B3GALT1: variants seen among roughly 807,000 people sequenced by gnomAD.
B3GALT1 encodes UDP-Gal:betaGlcNAc beta 1,3-galactosyltransferase, polypeptide 1.
In B3GALT1, 10 loss-of-function variants were observed where a neutral mutation model predicts 23.2. That is an observed-to-expected ratio of 0.43 (90% CI 0.27 to 0.73). B3GALT1 has a LOEUF of 0.73. B3GALT1 is among the 30% of genes least tolerant of loss of function. B3GALT1 has a pLI of 0.21. For synonymous variants in B3GALT1, 156 were observed against 141.5 expected, an observed-to-expected ratio of 1.10 and a Z score of -0.73; for missense variants, 299 against 405.4, an observed-to-expected ratio of 0.74 and a Z score of 2.25.
intron 3 of B3GALT1, among the ~76,000 whole-genome samples, chr2:167,680,094 T>C (rs1429820637): frequency 6.6e-6 from 1 of 152,232 alleles, no homozygotes; most frequent in Non-Finnish European, 1.5e-5. Context: ...TTCTAAATGC[T>C]AATTGCTTTC....
intron 1 of B3GALT1, among the ~76,000 whole-genome samples, chr2:167,412,600 T>C (rs563036806): frequency 6.6e-6 from 1 of 152,324 alleles, no homozygotes; most frequent in East Asian, 1.9e-4. Context: ...TTGACAAGGA[T>C]GTGAAGCCAC....
chr2:167,591,712 A>T (rs879469351), intron 2 of B3GALT1, among the ~76,000 whole-genome samples: 2 of 152,026 alleles, frequency 1.3e-5, no homozygotes, highest in Non-Finnish European at 2.9e-5. Context: ...GGCTCAAGAG[A>T]TCCTTTCTCC....
At chr2:167,861,186 T>C (rs1056358879) in intron 4 of B3GALT1, among the ~76,000 whole-genome samples, 1 of 152,168 alleles carries the variant, frequency 6.6e-6, no homozygotes, top group African/African-American at 2.4e-5. Flanking sequence ...TATTAAGAAA[T>C]AGGCTTTGTG....
At chr2:167,599,399 CAG>C (rs1394799643) in intron 2 of B3GALT1, among the ~76,000 whole-genome samples, 11 of 152,182 alleles carry the variant, frequency 7.2e-5, no homozygotes, top group African/African-American at 2.6e-4. Context: ...AATCCAAAAA[CAG>C]ATCACATTTC....
chr2:167,856,965 G>A (rs1423953894), intron 4 of B3GALT1, among the ~76,000 whole-genome samples: 3 of 152,174 alleles, frequency 2.0e-5, no homozygotes, highest in African/African-American at 4.8e-5. Flanking sequence ...AGGGGGCTGA[G>A]AAAGCATGTA....
At chr2:167,443,225 T>C (rs970732380) in intron 1 of B3GALT1, among the ~76,000 whole-genome samples, 22 of 152,170 alleles carry the variant, frequency 1.4e-4, no homozygotes, top group Non-Finnish European at 2.9e-4. Flanking sequence ...TTCTGTTCCA[T>C]TGATCTATAT....
In B3GALT1 at chr2:167,871,163, A is replaced by C. The variant is rs1401613607; in HGVS notation, c.*1143A>C. On this transcript the variant is annotated 3_prime_UTR_variant, in exon 5 of 5. Coordinates refer to ENST00000392690, the MANE Select transcript of B3GALT1 (RefSeq NM_020981.4). The stretch of plus-strand genomic sequence containing the variant: ...GGAAGGCCAGGTTCGGGTCCCGTTG[A>C]TGCCACCATACTTATTGGGCCATAT... 3 of 152,122 alleles carry C rather than the reference A, an allele frequency of 2.0e-5. No individual in the cohort carries two copies. Among genetic ancestry groups the C allele is most frequent in the Non-Finnish European group, 4.4e-5 (3 of 68,034 alleles). The allele number at this position is 152,122 out of a possible 1,614,324, so 9.4% of individuals were successfully genotyped here.
At chr2:167,585,005 C>T (rs565052892) in intron 2 of B3GALT1, among the ~76,000 whole-genome samples, 1 of 152,188 alleles carries the variant, frequency 6.6e-6, no homozygotes, top group Non-Finnish European at 1.5e-5. Context: ...GAGGGTGCTA[C>T]TGGAGCTGAA....
At chr2:167,442,021 C>G (rs1353097841) in intron 1 of B3GALT1, among the ~76,000 whole-genome samples, 1 of 151,158 alleles carries the variant, frequency 6.6e-6, no homozygotes, top group Non-Finnish European at 1.5e-5. Flanking sequence ...CAATGCTATC[C>G]CTCCCCACTC....
chr2:167,448,833 C>G (rs1270872335), intron 1 of B3GALT1, among the ~76,000 whole-genome samples: 2 of 152,130 alleles, frequency 1.3e-5, no homozygotes, highest in African/African-American at 4.8e-5. Context: ...CCAATTATCC[C>G]AGGACCATTT....
At chr2:167,512,396 G>A (rs1700018967) in intron 2 of B3GALT1, among the ~76,000 whole-genome samples, 1 of 149,936 alleles carries the variant, frequency 6.7e-6, no homozygotes, top group Admixed American at 6.7e-5. Flanking sequence ...TGTATTGAAT[G>A]ATTTTATAAT....
At chr2:167,566,199 T>G (rs569344056) in intron 2 of B3GALT1, among the ~76,000 whole-genome samples, 59 of 152,244 alleles carry the variant, frequency 3.9e-4, no homozygotes, top group African/African-American at 1.2e-3. Context: ...ATGTCCTTTG[T>G]AGGAACATGG....
chr2:167,865,771 A>G (rs1017242529), intron 4 of B3GALT1, among the ~76,000 whole-genome samples: 20 of 152,192 alleles, frequency 1.3e-4, no homozygotes, highest in African/African-American at 3.1e-4. Flanking sequence ...CAGCCTAGGC[A>G]ACAGAGCGAG....
At chr2:167,644,491 A>T (rs985489414) in intron 2 of B3GALT1, among the ~76,000 whole-genome samples, 2 of 152,132 alleles carry the variant, frequency 1.3e-5, no homozygotes, top group African/African-American at 4.8e-5. Context: ...ATCTTAAAAA[A>T]CATTTTACGC....
intron 1 of B3GALT1, among the ~76,000 whole-genome samples, chr2:167,303,786 T>C (rs1170582982): frequency 1.3e-5 from 2 of 152,130 alleles, no homozygotes; most frequent in African/African-American, 2.4e-5. Flanking sequence ...TCTTGCATAG[T>C]CATGACTTCA....
chr2:167,574,800 T>G (rs923834048), intron 2 of B3GALT1, among the ~76,000 whole-genome samples: 2 of 151,784 alleles, frequency 1.3e-5, no homozygotes, highest in East Asian at 3.8e-4. Context: ...AAATGTTCTC[T>G]CTTTAATTCT....
intron 2 of B3GALT1, among the ~76,000 whole-genome samples, chr2:167,640,617 A>G (rs1284829830): frequency 6.6e-6 from 1 of 152,104 alleles, no homozygotes; most frequent in Non-Finnish European, 1.5e-5. Context: ...GAAGTCTGCC[A>G]TCGGACCAGG....
chr2:167,603,999 A>G (rs1684918148), intron 2 of B3GALT1, among the ~76,000 whole-genome samples: 2 of 152,208 alleles, frequency 1.3e-5, no homozygotes, highest in South Asian at 4.1e-4. Flanking sequence ...TCAATGAGAA[A>G]TGTTCTATAG....
chr2:167,873,575 T>A lies in B3GALT1; in HGVS notation c.*3555T>A, dbSNP rs979383517. The stretch of plus-strand genomic sequence containing the variant: ...GTGGGTTTAGTGGGAGAATTGATTA[T>A]GTCATTTCTTCTGTAAAGGTGAAAA... On this transcript the variant is annotated 3_prime_UTR_variant, in exon 5 of 5. Transcript: ENST00000392690. 5.3e-5 allele frequency: 8 copies of A among 152,244 alleles called. No homozygotes were observed. The highest frequency in any genetic ancestry group is 1.9e-4 in the African/African-American group (8 of 41,470). The allele number at this position is 152,244 out of a possible 1,614,324, so 9.4% of individuals were successfully genotyped here.
Sources: gnomAD v4.1 joint callset for allele counts (sites outside exome capture counted in the v4.1 genomes callset) on GRCh38, gnomAD v4.1.1 for gene constraint, MANE v1.5 for transcripts, NCBI Gene and HGNC (gene_info 2026-07-23, HGNC 2026-07-21) for gene names.